CDK8: variants seen among roughly 807,000 people sequenced by gnomAD.
CDK8 encodes the protein cyclin dependent kinase 8, also known as cyclin-dependent kinase 8.
A neutral mutation model predicts 71.5 loss-of-function variants in CDK8; 29 were observed. The ratio of observed to expected loss-of-function variants is 0.41; its 90% confidence interval spans 0.30 to 0.55. CDK8 has a LOEUF of 0.55. CDK8 is among the 20% of genes least tolerant of loss of function. The probability of loss-of-function intolerance (pLI) is 0.37; values close to 1 mark genes in which losing one functional copy is unlikely to be tolerated. For synonymous variants in CDK8, 161 were observed against 192.1 expected (o/e 0.84, Z 1.34); for missense variants, 288 against 572.6 (o/e 0.50, Z 5.07).
At chr13:26,342,771 A>G (rs1873297923) in intron 2 of CDK8, among the ~76,000 whole-genome samples, 1 of 152,242 alleles carries the variant, frequency 6.6e-6, no homozygotes, top group East Asian at 1.9e-4. Context: ...TTACTTATTC[A>G]GTAGTAATAG....
chr13:26,355,575 C>T lies in CDK8; in HGVS notation c.456+1695C>T, dbSNP rs548397239. On this transcript the variant is annotated intron_variant, in intron 4 of 12. Transcript: ENST00000381527. Reference sequence around the variant, plus strand: ...GTTGCAGTGAGCCAAGATCGCGCCACTTCACTCCAGCCTGGGCGACAGAGC... The same window carrying T: ...GTTGCAGTGAGCCAAGATCGCGCCATTTCACTCCAGCCTGGGCGACAGAGC... 2.6e-5 allele frequency among the ~76,000 whole-genome samples: 4 copies of T among 152,244 alleles called. No individual in the cohort carries two copies. In the East Asian group the frequency reaches 7.7e-4, roughly 29 times the overall value.
chr13:26,277,501 A>G (rs910961813), intron 1 of CDK8, among the ~76,000 whole-genome samples: 8 of 152,204 alleles, frequency 5.3e-5, no homozygotes, highest in African/African-American at 9.6e-5. Context: ...GTGTTGTTAC[A>G]TTATAGGAAG....
intron 1 of CDK8, among the ~76,000 whole-genome samples, chr13:26,318,852 CATT>C (rs372367160): frequency 1.2e-3 from 177 of 152,222 alleles, no homozygotes; most frequent in African/African-American, 4.1e-3. Flanking sequence ...TCACAGTAAA[CATT>C]ATAGTCAATG....
At chr13:26,256,374 T>C (rs1871526531) in intron 1 of CDK8, among the ~76,000 whole-genome samples, 1 of 152,184 alleles carries the variant, frequency 6.6e-6, no homozygotes. Context: ...CCCAGTATTA[T>C]GTAATTTTGG....
At chr13:26,335,884 A>G (rs1010937105) in intron 1 of CDK8, among the ~76,000 whole-genome samples, 9 of 151,648 alleles carry the variant, frequency 5.9e-5, no homozygotes, top group Admixed American at 2.7e-4. Flanking sequence ...CCAAAGATAC[A>G]TTTTCCAGAT....
intron 5 of CDK8, among the ~76,000 whole-genome samples, chr13:26,384,843 T>A (rs1214360095): frequency 6.6e-6 from 1 of 152,196 alleles, no homozygotes; most frequent in Non-Finnish European, 1.5e-5. Context: ...AAAGCCTTAC[T>A]CTAACTGATC....
intron 2 of CDK8, among the ~76,000 whole-genome samples, chr13:26,340,921 T>A (rs970927042): frequency 6.6e-6 from 1 of 152,176 alleles, no homozygotes; most frequent in African/African-American, 2.4e-5. Flanking sequence ...ATTGCATATC[T>A]TCATCTTCAT....
intron 1 of CDK8, among the ~76,000 whole-genome samples, chr13:26,288,739 T>C (rs1873147928): frequency 1.3e-5 from 2 of 152,002 alleles, no homozygotes; most frequent in Admixed American, 6.6e-5. Context: ...TTTAGGACTT[T>C]CATTTCTCCA....
intron 2 of CDK8, among the ~76,000 whole-genome samples, chr13:26,339,756 A>ATATATATATATAT (rs57119146): frequency 2.8e-5 from 4 of 142,998 alleles, no homozygotes; most frequent in African/African-American, 1.0e-4. Flanking sequence ...TTAAAAAAAA[A>ATATATATATATAT]ATATATATAT....
chr13:26,266,988 C>T (rs1251544336), intron 1 of CDK8, among the ~76,000 whole-genome samples: 3 of 152,108 alleles, frequency 2.0e-5, no homozygotes, highest in Non-Finnish European at 4.4e-5. Context: ...TTAATATTTT[C>T]CTTGTCTTTC....
At chr13:26,395,926 G>A (rs1347018333) in intron 7 of CDK8, among the ~76,000 whole-genome samples, 1 of 152,166 alleles carries the variant, frequency 6.6e-6, no homozygotes, top group Non-Finnish European at 1.5e-5. Flanking sequence ...CAAGAAATTT[G>A]GTAGAAAAGG....
In CDK8 at chr13:26,326,431, C is replaced by G. The variant is rs115434297; in HGVS notation, c.129-11136C>G. On this transcript the variant is annotated intron_variant, in intron 1 of 12. Coordinates refer to ENST00000381527, the MANE Select transcript of CDK8 (RefSeq NM_001260.3). ...CCTGTTAACAATTCAGAAATTTAAA[C>G]CAAAGGAAAGACAATAGCTTGGACA... Among the ~76,000 whole-genome samples the G allele has an allele frequency of 6.5e-3, 995 of 152,212 alleles. 10 individuals carry two copies. Among genetic ancestry groups the G allele is most frequent in the African/African-American group, 0.021 (865 of 41,522 alleles).
intron 1 of CDK8, among the ~76,000 whole-genome samples, chr13:26,259,162 A>T (rs187121094): frequency 2.0e-5 from 3 of 152,188 alleles, no homozygotes; most frequent in Non-Finnish European, 2.9e-5. Context: ...AATTTCTATC[A>T]CTGGAATAGT....
intron 1 of CDK8, among the ~76,000 whole-genome samples, chr13:26,274,524 T>G (rs560171065): frequency 6.6e-5 from 10 of 151,934 alleles, no homozygotes; most frequent in Admixed American, 1.3e-4. Flanking sequence ...CTCTGCCTCT[T>G]GGGTTCATGC....
chr13:26,258,246 T>TA (rs1013598751), intron 1 of CDK8, among the ~76,000 whole-genome samples: 1 of 152,196 alleles, frequency 6.6e-6, no homozygotes, highest in African/African-American at 2.4e-5. Flanking sequence ...CCCATGCTCT[T>TA]AACCATTATG....
At chr13:26,297,023 T>C (rs927278785) in intron 1 of CDK8, among the ~76,000 whole-genome samples, 1 of 152,172 alleles carries the variant, frequency 6.6e-6, no homozygotes, top group Admixed American at 6.5e-5. Flanking sequence ...TAATGTTTCA[T>C]TGGAGATAAG....
intron 4 of CDK8, among the ~76,000 whole-genome samples, chr13:26,367,533 A>G (rs1007029672): frequency 6.6e-6 from 1 of 152,204 alleles, no homozygotes; most frequent in Non-Finnish European, 1.5e-5. Flanking sequence ...CAGCTATAAA[A>G]TGGGGCCAGA....
Position 26,270,294 on chromosome 13 carries a change from C to T in CDK8, c.128+15525C>T, listed in dbSNP as rs962312336. ...ATCCTAGCTACTCAAGAGGCTGAGG[C>T]AGGAGAATCATTTGAACCCAGGAGG... On this transcript the variant is annotated intron_variant, in intron 1 of 12. Coordinates refer to ENST00000381527, the MANE Select transcript of CDK8 (RefSeq NM_001260.3). 8.1e-4 allele frequency among the ~76,000 whole-genome samples: 122 copies of T among 151,208 alleles called. 2 individuals are homozygous for T. The highest frequency in any genetic ancestry group is 7.9e-3 in the Admixed American group (120 of 15,150).
chr13:26,402,423 TG>T (rs1876306560), intron 12 of CDK8, among the ~76,000 whole-genome samples: 1 of 152,180 alleles, frequency 6.6e-6, no homozygotes, highest in Middle Eastern at 3.4e-3. Flanking sequence ...AAGGGTTCAG[TG>T]TGGGAAGGAT....
Sources: gnomAD v4.1 joint callset for allele counts (sites outside exome capture counted in the v4.1 genomes callset) on GRCh38, gnomAD v4.1.1 for gene constraint, MANE v1.5 for transcripts, NCBI Gene and HGNC (gene_info 2026-07-23, HGNC 2026-07-21) for gene names.